USP12: variants seen among roughly 807,000 people sequenced by gnomAD.
USP12 encodes the protein ubiquitin specific peptidase 12.
A neutral mutation model predicts 45.5 loss-of-function variants in USP12; 19 were observed. The observed-to-expected ratio is 0.42, with a 90% CI of 0.29 to 0.61. The LOEUF (loss-of-function observed/expected upper bound fraction) is 0.61, where lower values mean the gene tolerates loss of function less well. USP12 is among the 20% of genes least tolerant of loss of function. The pLI, the probability that USP12 is intolerant of heterozygous loss-of-function variation, is 0.22. For synonymous variants in USP12, 149 were observed against 148.8 expected, an observed-to-expected ratio of 1.00 and a Z score of -0.01; for missense variants, 242 against 447.7, an observed-to-expected ratio of 0.54 and a Z score of 4.15.
At chr13:27,114,202 C>A (rs771188878) in intron 2 of USP12, among the ~76,000 whole-genome samples, 1 of 151,678 alleles carries the variant, frequency 6.6e-6, no homozygotes, top group African/African-American at 2.4e-5. Context: ...AAGAACCATA[C>A]AATAAAACAA....
At chr13:27,100,139 C>T (rs745853055) in intron 3 of USP12, among the ~76,000 whole-genome samples, 12 of 152,164 alleles carry the variant, frequency 7.9e-5, no homozygotes, top group Non-Finnish European at 1.6e-4. Context: ...TGCGTGGTTC[C>T]ACCAATTGGA....
chr13:27,162,741 T>C (rs1878166191), intron 1 of USP12: 1 of 152,230 alleles, frequency 6.6e-6, no homozygotes, highest in Admixed American at 6.5e-5. Context: ...TTTAATACAA[T>C]GAAAGTAAGT....
At chr13:27,117,515 A>G (rs1237806074) in intron 1 of USP12, among the ~76,000 whole-genome samples, 1 of 152,148 alleles carries the variant, frequency 6.6e-6, no homozygotes, top group Non-Finnish European at 1.5e-5. Context: ...TACATAGGAG[A>G]GCCAGAATAA....
At chr13:27,090,986 C>T (rs968453085) in intron 4 of USP12, among the ~76,000 whole-genome samples, 1 of 152,100 alleles carries the variant, frequency 6.6e-6, no homozygotes, top group Admixed American at 6.5e-5. Context: ...GAAGGGAGTT[C>T]CAATGGTGAT....
intron 1 of USP12, among the ~76,000 whole-genome samples, chr13:27,124,837 C>T (rs1876152243): frequency 6.6e-6 from 1 of 152,210 alleles, no homozygotes; most frequent in South Asian, 2.1e-4. Context: ...AACCCTCATA[C>T]CTGTTCTAGA....
chr13:27,075,896 G>T (rs767847052), intron 6 of USP12, among the ~76,000 whole-genome samples: 5 of 152,096 alleles, frequency 3.3e-5, no homozygotes, highest in Non-Finnish European at 5.9e-5. Context: ...CGGGCATAGT[G>T]GCAGGCGCCC....
intron 1 of USP12, among the ~76,000 whole-genome samples, chr13:27,126,001 G>C (rs1876218051): frequency 6.6e-6 from 1 of 152,270 alleles, no homozygotes; most frequent in South Asian, 2.1e-4. Context: ...CCACAGCTCA[G>C]CAAGGCCTAC....
chr13:27,148,676 T>TA lies in USP12; in HGVS notation c.48+22915_48+22916insT, dbSNP rs1555238403. ...GTGACAGAGACTCAAAAAAAAAAAA[T>TA]TATATATATATATATAATATAAATA... On this transcript the variant is annotated intron_variant, in intron 1 of 8. Transcript: ENST00000282344. Among the ~76,000 whole-genome samples the TA allele has an allele frequency of 8.8e-3, 1,230 of 139,428 alleles. 49 individuals carry two copies. The highest frequency in any genetic ancestry group is 0.074 in the Admixed American group (1,014 of 13,718). The allele number at this position is 139,428 out of a possible 152,430, so 91.5% of individuals were successfully genotyped here.
intron 2 of USP12, among the ~76,000 whole-genome samples, chr13:27,109,426 A>G (rs1378397787): frequency 6.6e-6 from 1 of 152,228 alleles, no homozygotes; most frequent in African/African-American, 2.4e-5. Flanking sequence ...GTCAACAGTC[A>G]GGCAATGAAA....
intron 2 of USP12, among the ~76,000 whole-genome samples, chr13:27,111,942 G>C (rs1451874243): frequency 6.6e-6 from 1 of 152,082 alleles, no homozygotes; most frequent in African/African-American, 2.4e-5. Context: ...AAGATACATA[G>C]GTGCAAGGGA....
At chr13:27,128,273 C>G (rs1016515044) in intron 1 of USP12, among the ~76,000 whole-genome samples, 1 of 152,174 alleles carries the variant, frequency 6.6e-6, no homozygotes, top group Non-Finnish European at 1.5e-5. Context: ...TTAGAAGTAA[C>G]AGTAGTAATA....
chr13:27,148,650 G>A (rs1255580864), intron 1 of USP12, among the ~76,000 whole-genome samples: 2 of 136,386 alleles, frequency 1.5e-5, no homozygotes, highest in African/African-American at 5.7e-5. Context: ...CTCCAGCCAG[G>A]GTGACAGAGA....
At chr13:27,119,011 TAAAG>T (rs1875867389) in intron 1 of USP12, among the ~76,000 whole-genome samples, 1 of 152,178 alleles carries the variant, frequency 6.6e-6, no homozygotes, top group Admixed American at 6.5e-5. Flanking sequence ...TCCCAACTGT[TAAAG>T]AAAAATGTTA....
At chr13:27,079,758 G>A (rs901135684) in intron 6 of USP12, among the ~76,000 whole-genome samples, 1 of 152,184 alleles carries the variant, frequency 6.6e-6, no homozygotes, top group African/African-American at 2.4e-5. Context: ...TGCCACAGAT[G>A]AATGCAATAC....
intron 1 of USP12, among the ~76,000 whole-genome samples, chr13:27,163,833 T>A (rs1878234231): frequency 6.7e-6 from 1 of 149,310 alleles, no homozygotes. Flanking sequence ...GTATGTCTGC[T>A]CTCACCAGAA....
chr13:27,107,397 C>T (rs1239572956), intron 2 of USP12, among the ~76,000 whole-genome samples: 1 of 151,442 alleles, frequency 6.6e-6, no homozygotes, highest in Non-Finnish European at 1.5e-5. Flanking sequence ...TATCATAGGA[C>T]AAAGCAAACA....
intron 7 of USP12, 135 bp from the exon 8 acceptor site, chr13:27,071,284 A>C: frequency 1.5e-6 from 1 of 676,070 alleles, no homozygotes; most frequent in Non-Finnish European, 2.4e-6. Context: ...TATACCCCTT[A>C]CCTATTCTTG....
chr13:27,168,858 T>C (rs1878462270), intron 1 of USP12: 1 of 152,234 alleles, frequency 6.6e-6, no homozygotes, highest in African/African-American at 2.4e-5. Flanking sequence ...CCAGGTACGT[T>C]ATTTTGACAA....
intron 1 of USP12, among the ~76,000 whole-genome samples, chr13:27,143,121 G>A (rs917794787): frequency 4.3e-4 from 63 of 146,552 alleles, no homozygotes; most frequent in Non-Finnish European, 7.2e-4. Context: ...AAGAGTGAAA[G>A]AACAATAAAG....
Sources: allele counts gnomAD v4.1 joint callset (sites outside exome capture counted in the v4.1 genomes callset), GRCh38; gene constraint gnomAD v4.1.1; transcripts MANE v1.5; gene names NCBI Gene and HGNC (gene_info 2026-07-23, HGNC 2026-07-21).